The following CCSER1 variants were observed in gnomAD, a reference collection of about 807,000 sequenced individuals.
CCSER1 encodes the protein serine-rich coiled-coil domain-containing protein 1.
CCSER1 carries 41 observed loss-of-function variants against 82.0 expected under a neutral mutation model. The observed-to-expected ratio is 0.50, with a 90% CI of 0.39 to 0.65. CCSER1 has a LOEUF of 0.65. CCSER1 is among the 30% of genes least tolerant of loss of function. The pLI is 0.00. For synonymous variants in CCSER1, 414 were observed against 383.9 expected (o/e 1.08, Z -0.92); for missense variants, 1,119 against 1,064.2 (o/e 1.05, Z -0.72).
chr4:90,613,020 C>T (rs1449326336), intron 5 of CCSER1, among the ~76,000 whole-genome samples: 2 of 152,046 alleles, frequency 1.3e-5, no homozygotes, highest in Non-Finnish European at 2.9e-5. Flanking sequence ...CTAAAGCAAA[C>T]TCAGAGATCA....
At chr4:90,309,923 G>T (rs888383258) in intron 2 of CCSER1, among the ~76,000 whole-genome samples, 2 of 152,046 alleles carry the variant, frequency 1.3e-5, no homozygotes, top group African/African-American at 4.8e-5. Flanking sequence ...GAAAGTAATT[G>T]TTTGCAATGT....
chr4:91,419,921 G>T (rs1222446050), intron 10 of CCSER1, among the ~76,000 whole-genome samples: 1 of 151,992 alleles, frequency 6.6e-6, no homozygotes, highest in South Asian at 2.1e-4. Context: ...AAAAAGCTTT[G>T]ACAAGAGCAC....
chr4:90,666,461 CA>C (rs1337295290), intron 6 of CCSER1, among the ~76,000 whole-genome samples: 1 of 151,932 alleles, frequency 6.6e-6, no homozygotes, highest in East Asian at 1.9e-4. Context: ...ATTAATCAGC[CA>C]AAAATGGTTG....
At chr4:91,402,172 T>A (rs1172441340) in intron 10 of CCSER1, among the ~76,000 whole-genome samples, 3 of 152,236 alleles carry the variant, frequency 2.0e-5, no homozygotes, top group Admixed American at 1.3e-4. Context: ...TTTTCATGTG[T>A]CTGTTGGCTG....
chr4:91,422,758 A>G (rs562319840), intron 10 of CCSER1, among the ~76,000 whole-genome samples: 44 of 152,308 alleles, frequency 2.9e-4, no homozygotes, highest in African/African-American at 9.6e-4. Context: ...GACATCCAGT[A>G]AATCACCAAA....
chr4:91,432,470 C>T (rs540382999), intron 10 of CCSER1, among the ~76,000 whole-genome samples: 38 of 152,134 alleles, frequency 2.5e-4, no homozygotes, highest in African/African-American at 8.4e-4. Context: ...ATACAGACAA[C>T]GTTTTCTGTA....
intron 1 of CCSER1, among the ~76,000 whole-genome samples, chr4:90,167,284 G>C (rs946138660): frequency 6.6e-6 from 1 of 151,982 alleles, no homozygotes; most frequent in Admixed American, 6.6e-5. Flanking sequence ...TGTTAGAAAT[G>C]AGTTAATTTT....
intron 10 of CCSER1, among the ~76,000 whole-genome samples, chr4:91,458,519 C>T (rs577952928): frequency 3.7e-4 from 57 of 152,076 alleles, no homozygotes; most frequent in African/African-American, 1.7e-4. Context: ...TTTGTGGTTC[C>T]GCAGAAATTT....
intron 9 of CCSER1, among the ~76,000 whole-genome samples, chr4:90,960,897 A>AT: frequency 6.6e-6 from 1 of 152,306 alleles, no homozygotes; most frequent in East Asian, 1.9e-4. Flanking sequence ...GGAAGGTACT[A>AT]TTTTTATCCC....
intron 9 of CCSER1, among the ~76,000 whole-genome samples, chr4:91,048,610 G>A (rs974665498): frequency 1.3e-5 from 2 of 152,010 alleles, no homozygotes; most frequent in Admixed American, 1.3e-4. Flanking sequence ...TACATACAAT[G>A]TACATTATTT....
At chr4:91,034,959 T>C (rs772926287) in intron 9 of CCSER1, among the ~76,000 whole-genome samples, 7 of 152,182 alleles carry the variant, frequency 4.6e-5, no homozygotes, top group Non-Finnish European at 1.0e-4. Flanking sequence ...TTCTTCATGA[T>C]GACAAAGCCT....
At chr4:91,249,831 A>G (rs1047662096) in intron 10 of CCSER1, among the ~76,000 whole-genome samples, 2 of 152,084 alleles carry the variant, frequency 1.3e-5, no homozygotes, top group African/African-American at 4.8e-5. Context: ...CTCAGCTGGA[A>G]CTGTCAGCTC....
chr4:90,134,306 G>A (rs1723292631), intron 1 of CCSER1, among the ~76,000 whole-genome samples: 1 of 152,054 alleles, frequency 6.6e-6, no homozygotes, highest in South Asian at 2.1e-4. Context: ...TTTAACCAAG[G>A]GCCCAGCAGC....
At chr4:90,877,644 T>C (rs890619665) in intron 8 of CCSER1, among the ~76,000 whole-genome samples, 3 of 147,118 alleles carry the variant, frequency 2.0e-5, no homozygotes, top group African/African-American at 2.5e-5. Context: ...TCCCCCACTC[T>C]GCTGCTAAAT....
At position 90,578,878 on chromosome 4, in the gene CCSER1, G is replaced by A. The variant is rs184470041; in HGVS notation, c.1725-49147G>A. ...TGTATCTACTTCAGAGGAACCTTGAGGTAGACATGACAGGTACTACTCTAG... is the reference window on the plus strand; with the variant it reads ...TGTATCTACTTCAGAGGAACCTTGAAGTAGACATGACAGGTACTACTCTAG... On this transcript the variant is annotated intron_variant, in intron 5 of 10. Coordinates refer to ENST00000509176, the MANE Select transcript of CCSER1 (RefSeq NM_001145065.2). Among the ~76,000 whole-genome samples, 187 of 152,072 alleles carry A rather than the reference G, an allele frequency of 1.2e-3. No individual in the cohort carries two copies. In the Middle Eastern group the frequency reaches 0.024, roughly 19 times the overall value.
intron 10 of CCSER1, among the ~76,000 whole-genome samples, chr4:91,279,354 C>T (rs1462804209): frequency 1.4e-4 from 21 of 152,096 alleles, no homozygotes. Context: ...ATTTTCCCTC[C>T]ACCTTTGAGA....
intron 8 of CCSER1, among the ~76,000 whole-genome samples, chr4:90,908,803 C>G (rs1404788461): frequency 1.3e-5 from 2 of 152,006 alleles, no homozygotes; most frequent in African/African-American, 4.8e-5. Flanking sequence ...TGATGTGATC[C>G]AAATTACATT....
intron 10 of CCSER1, among the ~76,000 whole-genome samples, chr4:91,170,863 A>G (rs1002391097): frequency 6.6e-6 from 1 of 152,182 alleles, no homozygotes; most frequent in Non-Finnish European, 1.5e-5. Context: ...TGCTGATACT[A>G]TACAGCTTAT....
chr4:90,766,800 T>G (rs1465266368), intron 7 of CCSER1, among the ~76,000 whole-genome samples: 5 of 152,128 alleles, frequency 3.3e-5, no homozygotes, highest in Non-Finnish European at 7.4e-5. Context: ...TCATACATAT[T>G]TTCTCTCCAT....
Sources: allele counts gnomAD v4.1 joint callset (sites outside exome capture counted in the v4.1 genomes callset), GRCh38; gene constraint gnomAD v4.1.1; transcripts MANE v1.5; gene names NCBI Gene and HGNC (gene_info 2026-07-23, HGNC 2026-07-21).